Variants in STMN2 observed in about 807,000 individuals in gnomAD.
STMN2 encodes the protein stathmin 2.
Under a neutral mutation model 24.1 loss-of-function variants are expected in STMN2, and 2 were observed. That is an observed-to-expected ratio of 0.08 (90% CI 0.03 to 0.26). The LOEUF is 0.26. Among genes scored for constraint, STMN2 ranks in the 10% least tolerant of loss-of-function variants. STMN2 has a pLI of 1.00. For synonymous variants in STMN2, 83 were observed against 77.5 expected (o/e 1.07, Z -0.37); for missense variants, 114 against 213.6 (o/e 0.53, Z 2.91).
intron 3 of STMN2, among the ~76,000 whole-genome samples, chr8:79,644,829 C>A (rs985258130): frequency 6.6e-6 from 1 of 152,106 alleles, no homozygotes; most frequent in Non-Finnish European, 1.5e-5. Flanking sequence ...TTAATCTAGG[C>A]AGCTCTGTGA....
chr8:79,636,002 A>G (rs1020977432), intron 1 of STMN2, among the ~76,000 whole-genome samples: 10 of 152,164 alleles, frequency 6.6e-5, no homozygotes, highest in African/African-American at 2.4e-4. Context: ...GGATTGCTTG[A>G]GCCCGGGAAT....
intron 2 of STMN2, among the ~76,000 whole-genome samples, chr8:79,638,029 C>T (rs1433969653): frequency 6.6e-6 from 1 of 152,176 alleles, no homozygotes; most frequent in Non-Finnish European, 1.5e-5. Context: ...GAATGCAGGG[C>T]CAATGCCTAC....
chr8:79,622,665 A>C (rs959539223), intron 1 of STMN2, among the ~76,000 whole-genome samples: 7 of 152,168 alleles, frequency 4.6e-5, no homozygotes, highest in African/African-American at 1.7e-4. Context: ...ATGTTTCCCT[A>C]TCATATTTTA....
chr8:79,634,225 G>A (rs7004967), intron 1 of STMN2, among the ~76,000 whole-genome samples: 44,403 of 152,002 alleles, frequency 0.29, 6,856 homozygotes, highest in East Asian at 0.41. Flanking sequence ...TGTATTAAAT[G>A]TTTTATGCTC....
chr8:79,647,650 C>T (rs1012513682), intron 3 of STMN2, among the ~76,000 whole-genome samples: 3 of 152,206 alleles, frequency 2.0e-5, no homozygotes, highest in African/African-American at 7.2e-5. Flanking sequence ...CCTCGGGCTC[C>T]TTTGAACCAG....
chr8:79,637,580 A>G (rs997940656), intron 2 of STMN2, among the ~76,000 whole-genome samples: 3 of 152,174 alleles, frequency 2.0e-5, no homozygotes, highest in African/African-American at 7.2e-5. Context: ...TAACTCTAGC[A>G]TCTTCCTCTT....
intron 1 of STMN2, among the ~76,000 whole-genome samples, chr8:79,632,571 C>G (rs1354467318): frequency 6.6e-6 from 1 of 152,192 alleles, no homozygotes; most frequent in Non-Finnish European, 1.5e-5. Context: ...ATGACGTTTT[C>G]TTTATGGTCA....
intron 3 of STMN2, among the ~76,000 whole-genome samples, chr8:79,649,940 G>A (rs1253051801): frequency 2.6e-5 from 4 of 151,952 alleles, no homozygotes; most frequent in East Asian, 1.9e-4. Context: ...ATTGTTTTTC[G>A]CTTCACGTAC....
At position 79,636,782 on chromosome 8, in the gene STMN2, TC is replaced by T. The variant is rs1386895355; in HGVS notation, c.20-19del. 1 of 1,605,602 alleles carries T rather than the reference TC, an allele frequency of 6.2e-7. No homozygotes were observed. The highest frequency in any genetic ancestry group is 1.1e-5 in the South Asian group (1 of 90,746). ...ATTCAGAAAAAATGAAATATACTAA[TC>T]TTCAGCTTTTCATTTCAGCCTACAA... On this transcript the variant is annotated intron_variant, in intron 1 of 4. Coordinates refer to ENST00000220876, the MANE Select transcript of STMN2 (RefSeq NM_007029.4).
At chr8:79,624,926 A>G (rs184072039) in intron 1 of STMN2, among the ~76,000 whole-genome samples, 2 of 152,294 alleles carry the variant, frequency 1.3e-5, no homozygotes, top group Non-Finnish European at 2.9e-5. Context: ...CTTGTTATTT[A>G]TCATTCACCT....
chr8:79,662,312 C>G (rs930364961), intron 4 of STMN2, among the ~76,000 whole-genome samples: 1 of 151,952 alleles, frequency 6.6e-6, no homozygotes, highest in East Asian at 1.9e-4. Context: ...CAGTGCCTAG[C>G]AAATATCAGG....
At chr8:79,632,759 A>G (rs1016115012) in intron 1 of STMN2, among the ~76,000 whole-genome samples, 1 of 152,238 alleles carries the variant, frequency 6.6e-6, no homozygotes, top group African/African-American at 2.4e-5. Flanking sequence ...AGCCAAAACT[A>G]AAGTGTCAAA....
chr8:79,629,174 T>G (rs958453116), intron 1 of STMN2, among the ~76,000 whole-genome samples: 1 of 152,174 alleles, frequency 6.6e-6, no homozygotes, highest in Non-Finnish European at 1.5e-5. Context: ...GGCTCTGTTA[T>G]TCCCACATAC....
At chr8:79,664,763 G>A in intron 4 of STMN2, 52 bp from the exon 5 acceptor site, 3 of 1,591,330 alleles carry the variant, frequency 1.9e-6, no homozygotes, top group South Asian at 2.2e-5. Flanking sequence ...GGTACGCAAA[G>A]GACCAGACAA....
At chr8:79,633,123 G>A (rs550685046) in intron 1 of STMN2, among the ~76,000 whole-genome samples, 21 of 152,246 alleles carry the variant, frequency 1.4e-4, no homozygotes, top group Admixed American at 1.1e-3. Context: ...ACGCCATCTG[G>A]GGAGTTTGGG....
intron 3 of STMN2, among the ~76,000 whole-genome samples, chr8:79,643,735 A>G (rs1454471868): frequency 6.6e-6 from 1 of 152,206 alleles, no homozygotes; most frequent in African/African-American, 2.4e-5. Context: ...GAAATTATCA[A>G]TGATTATACA....
At chr8:79,620,731 A>T (rs1809496856) in intron 1 of STMN2, among the ~76,000 whole-genome samples, 1 of 152,152 alleles carries the variant, frequency 6.6e-6, no homozygotes, top group African/African-American at 2.4e-5. Context: ...AGGCTGAAAA[A>T]TTTAAATATT....
intron 1 of STMN2, among the ~76,000 whole-genome samples, chr8:79,625,690 G>T (rs1385806790): frequency 1.3e-5 from 2 of 152,216 alleles, no homozygotes; most frequent in Non-Finnish European, 2.9e-5. Context: ...GGGAGCAGTG[G>T]CTCACGCCTG....
At chr8:79,650,223 C>T (rs902923800) in intron 3 of STMN2, among the ~76,000 whole-genome samples, 14 of 152,172 alleles carry the variant, frequency 9.2e-5, no homozygotes, top group African/African-American at 2.9e-4. Context: ...CCTCCAAGGC[C>T]AGATACTTTT....
Sources: gnomAD v4.1 joint callset for allele counts (sites outside exome capture counted in the v4.1 genomes callset) on GRCh38, gnomAD v4.1.1 for gene constraint, MANE v1.5 for transcripts, NCBI Gene and HGNC (gene_info 2026-07-23, HGNC 2026-07-21) for gene names.